Variants in DCLK1 observed in about 807,000 individuals in gnomAD.
DCLK1 encodes serine/threonine-protein kinase DCLK1.
Under a neutral mutation model 86.2 loss-of-function variants are expected in DCLK1, and 16 were observed. The observed-to-expected ratio is 0.19, with a 90% CI of 0.13 to 0.28. The LOEUF (loss-of-function observed/expected upper bound fraction) is 0.28. DCLK1 is among the 10% of genes least tolerant of loss of function. DCLK1 has a pLI of 1.00. For synonymous variants in DCLK1, 369 were observed against 370.5 expected, an observed-to-expected ratio of 1.00 and a Z score of 0.05; for missense variants, 590 against 940.2, an observed-to-expected ratio of 0.63 and a Z score of 4.87.
chr13:35,826,523 C>CAAAAAAAAA (rs533243711), intron 10 of DCLK1, among the ~76,000 whole-genome samples: 2 of 19,794 alleles, frequency 1.0e-4, no homozygotes, highest in Non-Finnish European at 1.3e-4. Flanking sequence ...AACTCCATCT[C>CAAAAAAAAA]AAAAAAAAAA....
At chr13:35,937,936 T>G (rs988879340) in intron 4 of DCLK1, among the ~76,000 whole-genome samples, 9 of 152,060 alleles carry the variant, frequency 5.9e-5, no homozygotes, top group African/African-American at 1.9e-4. Flanking sequence ...AGGAGGAACC[T>G]GGGCCTGGCT....
At chr13:36,074,529 A>G (rs555756785) in intron 3 of DCLK1, among the ~76,000 whole-genome samples, 2 of 138,142 alleles carry the variant, frequency 1.4e-5, no homozygotes, top group South Asian at 4.6e-4. Context: ...AGAGAAGACA[A>G]TACAGTTTAT....
At chr13:35,946,757 TA>T (rs1157118508) in intron 4 of DCLK1, among the ~76,000 whole-genome samples, 1 of 152,234 alleles carries the variant, frequency 6.6e-6, no homozygotes, top group Non-Finnish European at 1.5e-5. Context: ...ATATCATTCT[TA>T]AAGCCACAAC....
chr13:35,968,531 G>A (rs879664196), intron 3 of DCLK1, among the ~76,000 whole-genome samples: 31 of 152,164 alleles, frequency 2.0e-4, no homozygotes, highest in Middle Eastern at 3.4e-3. Flanking sequence ...ACAAGTCTAC[G>A]GCAGAAAGTC....
chr13:35,942,177 T>C (rs918348736), intron 4 of DCLK1, among the ~76,000 whole-genome samples: 1 of 151,296 alleles, frequency 6.6e-6, no homozygotes, highest in African/African-American at 2.4e-5. Flanking sequence ...ATTTTTTTTT[T>C]GTTTTTTGAG....
Position 35,810,887 on chromosome 13 carries a change from T to C in DCLK1, c.1636A>G (p.Thr546Ala). ...LATIVDGPLYTVCGTPTYVAP... is the reference protein window; with the variant it reads ...LATIVDGPLYAVCGTPTYVAP... ...ACGTATGTTGGGGTGCCACAGACTG[T>C]GTACAGGGGGCCGTCTACAATGGTG... The change falls in exon 12 of 17, where the codon ACA (threonine) becomes GCA (alanine). Residue 546 changes from threonine to alanine, a missense_variant. Thr to Ala is a moderately conservative substitution (Grantham distance 58). Transcript: ENST00000360631. 3 of 1,614,064 alleles carry C rather than the reference T, an allele frequency of 1.9e-6. No homozygotes were observed. Among genetic ancestry groups the C allele is most frequent in the Non-Finnish European group, 2.5e-6 (3 of 1,179,964 alleles).
chr13:35,875,023 A>AAGTTTTGG (rs1366155528), intron 4 of DCLK1, among the ~76,000 whole-genome samples: 1 of 152,204 alleles, frequency 6.6e-6, no homozygotes, highest in African/African-American at 2.4e-5. Flanking sequence ...GAACAATACA[A>AAGTTTTGG]AGTTTTGGAA....
rs866542120 is a variant in DCLK1, at chr13:36,056,636, A to G, written c.723+55233T>C. Among the ~76,000 whole-genome samples, 316 of 137,930 alleles carry G rather than the reference A, an allele frequency of 2.3e-3. 5 individuals carry two copies. Among genetic ancestry groups the G allele is most frequent in the Non-Finnish European group, 2.4e-3 (156 of 64,078 alleles). The allele number at this position is 137,930 out of a possible 152,430, so 90.5% of individuals were successfully genotyped here. Reference sequence around the variant, plus strand: ...TATAATTTAAAAAAAAAAAAAAAAAAGAAAGAAATTCCAGAGCACACAAAA... The same window carrying G: ...TATAATTTAAAAAAAAAAAAAAAAAGGAAAGAAATTCCAGAGCACACAAAA... On this transcript the variant is annotated intron_variant, in intron 3 of 16. Transcript: ENST00000360631.
Position 36,029,634 on chromosome 13 carries a change from C to A in DCLK1, c.724-82177G>T, listed in dbSNP as rs527757114. On this transcript the variant is annotated intron_variant, in intron 3 of 16. Coordinates refer to ENST00000360631, the MANE Select transcript of DCLK1 (RefSeq NM_001330071.2). ...TCTCAAAGAACCTGATTTTGAGACA[C>A]AATCATAGCAAAGGAAAGGCTCAAG... Among the ~76,000 whole-genome samples, 3 of 152,182 alleles carry A rather than the reference C, an allele frequency of 2.0e-5. No homozygotes were observed. In the South Asian group the frequency reaches 6.2e-4, roughly 32 times the overall value.
chr13:35,856,103 T>A (rs1445678207), intron 5 of DCLK1, among the ~76,000 whole-genome samples: 1 of 152,250 alleles, frequency 6.6e-6, no homozygotes, highest in East Asian at 1.9e-4. Flanking sequence ...CCATGCTGCA[T>A]TAATTTGTAG....
At chr13:35,798,526 C>G (rs1444430684) in intron 15 of DCLK1, among the ~76,000 whole-genome samples, 1 of 152,186 alleles carries the variant, frequency 6.6e-6, no homozygotes, top group Non-Finnish European at 1.5e-5. Flanking sequence ...TCCCAGTGTG[C>G]TTGACTCCTG....
chr13:36,066,012 C>T (rs1254437968), intron 3 of DCLK1, among the ~76,000 whole-genome samples: 1 of 151,902 alleles, frequency 6.6e-6, no homozygotes, highest in Non-Finnish European at 1.5e-5. Context: ...TATTTTCCAC[C>T]TTCTAAAAAC....
intron 1 of DCLK1, among the ~76,000 whole-genome samples, chr13:36,130,678 C>T (rs1886332093): frequency 1.3e-5 from 2 of 152,226 alleles, no homozygotes; most frequent in South Asian, 4.1e-4. Context: ...CATCACTGGC[C>T]CGGGCACACG....
At chr13:36,119,220 A>G (rs563086787) in intron 2 of DCLK1, among the ~76,000 whole-genome samples, 1 of 152,336 alleles carries the variant, frequency 6.6e-6, no homozygotes, top group East Asian at 1.9e-4. Context: ...TGCAGAAGAA[A>G]GATCTGATTT....
intron 3 of DCLK1, among the ~76,000 whole-genome samples, chr13:36,011,191 T>G (rs1881247689): frequency 1.5e-5 from 1 of 67,108 alleles, no homozygotes; most frequent in African/African-American, 5.7e-5. Context: ...CTGGATTCAT[T>G]GATTTTTTGA....
At chr13:35,822,990 T>C in intron 10 of DCLK1, 115 bp from the exon 11 acceptor site, 2 of 1,272,990 alleles carry the variant, frequency 1.6e-6, no homozygotes, top group Non-Finnish European at 2.2e-6. Flanking sequence ...AATCTTTGGG[T>C]TCCTAAAGGC....
At chr13:36,023,485 C>A (rs1881877133) in intron 3 of DCLK1, among the ~76,000 whole-genome samples, 1 of 152,140 alleles carries the variant, frequency 6.6e-6, no homozygotes, top group Non-Finnish European at 1.5e-5. Context: ...TTGCTCTTTT[C>A]AGGTCTTAGG....
intron 4 of DCLK1, among the ~76,000 whole-genome samples, chr13:35,937,135 A>AT (rs199906031): frequency 0.57 from 81,747 of 144,298 alleles, 25,228 homozygotes; most frequent in Admixed American, 0.71. Flanking sequence ...ATGTCCGGCT[A>AT]TTTTTTTTTT....
intron 4 of DCLK1, among the ~76,000 whole-genome samples, chr13:35,930,710 C>T (rs1323634711): frequency 6.6e-6 from 1 of 152,208 alleles, no homozygotes; most frequent in Non-Finnish European, 1.5e-5. Flanking sequence ...TGGCTTCCTA[C>T]ATAAGCAAGC....
Sources: gnomAD v4.1 joint callset for allele counts (sites outside exome capture counted in the v4.1 genomes callset) on GRCh38, gnomAD v4.1.1 for gene constraint, MANE v1.5 for transcripts, NCBI Gene and HGNC (gene_info 2026-07-23, HGNC 2026-07-21) for gene names.